Variants in SLC1A4 observed in about 807,000 individuals in gnomAD.
SLC1A4 encodes neutral amino acid transporter A.
A neutral mutation model predicts 37.7 loss-of-function variants in SLC1A4; 19 were observed. The observed-to-expected ratio is 0.50, with a 90% CI of 0.35 to 0.74. The LOEUF (loss-of-function observed/expected upper bound fraction) is 0.74. Ranked by LOEUF, SLC1A4 falls within the 30% of genes least tolerant of loss-of-function variation. The pLI, the probability that SLC1A4 is intolerant of heterozygous loss-of-function variation, is 0.01. For missense variants in SLC1A4, 570 were observed against 712.9 expected, an observed-to-expected ratio of 0.80 and a Z score of 2.28; for synonymous variants, 299 against 309.8, an observed-to-expected ratio of 0.97 and a Z score of 0.37.
intron 1 of SLC1A4, among the ~76,000 whole-genome samples, chr2:64,990,417 C>T (rs1673009796): frequency 6.6e-6 from 1 of 152,296 alleles, no homozygotes; most frequent in African/African-American, 2.4e-5. Flanking sequence ...AAGAACCAGT[C>T]CCCACCGTTA....
intron 7 of SLC1A4, among the ~76,000 whole-genome samples, chr2:65,020,256 AAT>A (rs539177286): frequency 1.8e-3 from 275 of 152,286 alleles, no homozygotes; most frequent in Non-Finnish European, 3.4e-3. Flanking sequence ...CTATTATCCC[AAT>A]ATGTTTGTTT....
At chr2:65,020,741 T>A (rs1674385594) in intron 7 of SLC1A4, among the ~76,000 whole-genome samples, 171 bp from the exon 8 acceptor site, 3 of 152,152 alleles carry the variant, frequency 2.0e-5, no homozygotes. Flanking sequence ...ATAAAAAGTG[T>A]TTAAAGAAAA....
At chr2:65,002,762 G>A (rs1030139424) in intron 2 of SLC1A4, among the ~76,000 whole-genome samples, 14 of 151,288 alleles carry the variant, frequency 9.3e-5, no homozygotes, top group Non-Finnish European at 2.1e-4. Context: ...ATTTTTAGTA[G>A]AGATGGGGTT....
At chr2:64,993,144 G>C (rs7570684) in intron 1 of SLC1A4, among the ~76,000 whole-genome samples, 22,730 of 152,192 alleles carry the variant, frequency 0.15, 1,704 homozygotes, top group East Asian at 0.22. Context: ...AGGCCCTCTC[G>C]AGGTAGCTGC....
At position 65,018,824 on chromosome 2, in the gene SLC1A4, AT is replaced by A; in HGVS notation, c.1364+148del. The stretch of plus-strand genomic sequence containing the variant: ...GCTACAGTGGAGCTAAAAGGGCAAG[AT>A]TTAGAGCTAGGAAAAATTAAACAAT... On this transcript the variant is annotated intron_variant, in intron 7 of 7. Transcript: ENST00000234256. This position sits in a 1 kb window ranked among gnomAD's most constrained non-coding sequence, Gnocchi z 4.3. The A allele has an allele frequency of 2.2e-6, 2 of 905,998 alleles. No homozygotes were observed. The highest frequency in any genetic ancestry group is 3.3e-6 in the Non-Finnish European group (2 of 597,538). 56.1% of individuals were successfully genotyped at this position (905,998 alleles called of 1,614,324 possible). A position where few individuals can be genotyped will look rare whatever the true frequency, so the allele number is the denominator to read the frequency against.
At position 65,010,691 on chromosome 2, in the gene SLC1A4, A is replaced by T; in HGVS notation, c.728A>T (p.Glu243Val). The T allele has an allele frequency of 6.2e-7, 1 of 1,614,176 alleles. No homozygotes were observed. The highest frequency in any genetic ancestry group is 8.5e-7 in the Non-Finnish European group (1 of 1,180,008). ...LGVALKKLGS[E>V]GEDLIRFFNS... is the part of the protein sequence containing the mutation. ...GTGGCCTTAAAGAAACTAGGCTCCG[A>T]AGGAGAAGACCTCATCCGTTTCTTC... Residue 243 changes from glutamate (E) to valine (V), a missense_variant, in exon 4 of 8, where the codon GAA (glutamate) becomes GTA (valine). Transcript: ENST00000234256.
intron 1 of SLC1A4, among the ~76,000 whole-genome samples, chr2:64,997,335 A>C (rs961345777): frequency 6.6e-6 from 1 of 152,228 alleles, no homozygotes; most frequent in African/African-American, 2.4e-5. Flanking sequence ...ATTTCAAGGT[A>C]GGATTTATAT....
chr2:65,009,169 G>A (rs946290022), intron 3 of SLC1A4, among the ~76,000 whole-genome samples: 2 of 152,100 alleles, frequency 1.3e-5, no homozygotes, highest in African/African-American at 2.4e-5. Context: ...AGACCAGCCT[G>A]ACCAACATGG....
intron 7 of SLC1A4, among the ~76,000 whole-genome samples, chr2:65,020,224 T>A (rs1314609768): frequency 6.6e-6 from 1 of 152,234 alleles, no homozygotes; most frequent in African/African-American, 2.4e-5. Flanking sequence ...GAAGAAAAGC[T>A]AGACACAAAA....
chr2:65,008,004 C>A (rs11900188), intron 3 of SLC1A4, among the ~76,000 whole-genome samples: 8,944 of 152,236 alleles, frequency 0.059, 578 homozygotes, highest in African/African-American at 0.16. Context: ...CCTGGCCTCT[C>A]GTAACCACCA....
At chr2:64,994,309 C>G (rs547528982) in intron 1 of SLC1A4, among the ~76,000 whole-genome samples, 2 of 152,308 alleles carry the variant, frequency 1.3e-5, no homozygotes, top group Non-Finnish European at 2.9e-5. Flanking sequence ...GGGATTGAGG[C>G]AAATGGTTTC....
chr2:65,004,080 G>T, intron 3 of SLC1A4, 65 bp downstream of exon 3: 1 of 1,353,950 alleles, frequency 7.4e-7, no homozygotes, highest in South Asian at 1.2e-5. Context: ...CTTCTTTGAA[G>T]GAGCATACAG....
At chr2:65,000,272 G>C (rs189303419) in intron 1 of SLC1A4, 1 of 152,220 alleles carries the variant, frequency 6.6e-6, no homozygotes, top group Non-Finnish European at 1.5e-5. Flanking sequence ...AACAGATTTT[G>C]GGCTCCATCA....
chr2:65,008,479 T>C (rs1014267805), intron 3 of SLC1A4, among the ~76,000 whole-genome samples: 1 of 152,044 alleles, frequency 6.6e-6, no homozygotes, highest in African/African-American at 2.4e-5. Context: ...CTCTACAAAA[T>C]AAATAAATAA....
intron 2 of SLC1A4, among the ~76,000 whole-genome samples, chr2:65,003,104 A>G (rs1052219034): frequency 6.6e-6 from 1 of 152,124 alleles, no homozygotes; most frequent in Non-Finnish European, 1.5e-5. Context: ...GTCACAGAGG[A>G]GGCGGGTGGG....
chr2:64,989,693 G>T lies in SLC1A4; in HGVS notation c.50G>T (p.Gly17Val), dbSNP rs1159150613. 1.3e-6 allele frequency: 2 copies of T among 1,536,748 alleles called. No homozygotes were observed. The highest frequency in any genetic ancestry group is 2.9e-5 in the African/African-American group (2 of 69,560). ...GGCTACCTTGACAGCGCTCAGGCGG[G>T]GCCTGCGGCCGGGCCCGGAGCTCCG... ...TNGYLDSAQA[G>V]PAAGPGAPGT... is the part of the protein sequence containing the mutation. Residue 17 changes from glycine to valine, a missense_variant, in exon 1 of 8, where the codon GGG becomes GTG. Gly to Val is a moderately radical substitution (Grantham distance 109). Transcript: ENST00000234256.
Position 65,021,123 on chromosome 2 carries a change from G to A in SLC1A4, c.1576G>A (p.Glu526Lys). 6.2e-7 allele frequency: 1 copy of A among 1,614,114 alleles called. No homozygotes were observed. Among genetic ancestry groups the A allele is most frequent in the Non-Finnish European group, 8.5e-7 (1 of 1,179,938 alleles). The change falls in exon 8 of 8, where the codon GAA (glutamate) becomes AAA (lysine). Residue 526 changes from glutamate (E) to lysine (K), a missense_variant. Glu to Lys is a moderately conservative substitution (Grantham distance 56). Transcript: ENST00000234256. ...CCCCGTGGCCAGTGCCCCAGAACTG[G>A]AATCCAAGGAGTCGGTTCTGTGATG... The part of the protein sequence containing the change: ...AGPVASAPEL[E>K]SKESVL
chr2:65,002,352 T>C (rs1203600970), intron 2 of SLC1A4, among the ~76,000 whole-genome samples: 1 of 151,386 alleles, frequency 6.6e-6, no homozygotes, highest in African/African-American at 2.4e-5. Context: ...ACTACACATG[T>C]TGCTTCATAG....
intron 5 of SLC1A4, 84 bp from the exon 6 acceptor site, chr2:65,017,985 GCT>G: frequency 9.0e-7 from 1 of 1,116,960 alleles, no homozygotes; most frequent in Non-Finnish European, 1.3e-6. Flanking sequence ...GGTGCTAATT[GCT>G]CTGTTCTGGG....
Sources: allele counts gnomAD v4.1 joint callset (sites outside exome capture counted in the v4.1 genomes callset), GRCh38; gene constraint gnomAD v4.1.1; non-coding constraint Gnocchi (gnomAD v3.1); transcripts MANE v1.5; gene names NCBI Gene and HGNC (gene_info 2026-07-23, HGNC 2026-07-21).